DNM3: variants seen among roughly 807,000 people sequenced by gnomAD.
DNM3 encodes dynamin 3.
A neutral mutation model predicts 101.6 loss-of-function variants in DNM3; 47 were observed. The ratio of observed to expected loss-of-function variants is 0.46; its 90% CI spans 0.37 to 0.59. DNM3 has a LOEUF of 0.59. Among genes scored for constraint, DNM3 ranks in the 20% least tolerant of loss-of-function variants. DNM3 has a pLI of 0.00. For synonymous variants in DNM3, 385 were observed against 387.9 expected, an observed-to-expected ratio of 0.99 and a Z score of 0.09; for missense variants, 849 against 1,085.7, an observed-to-expected ratio of 0.78 and a Z score of 3.06.
intron 1 of DNM3, among the ~76,000 whole-genome samples, chr1:171,867,238 G>A (rs2034845267): frequency 6.6e-6 from 1 of 152,218 alleles, no homozygotes; most frequent in African/African-American, 2.4e-5. Flanking sequence ...TATGTTAGAG[G>A]TGATTGCTTT....
rs188290571 is a variant in DNM3 at position 172,107,093 on chromosome 1, C to T, written c.1545+14218C>T. On this transcript the variant is annotated intron_variant, in intron 13 of 20. Transcript: ENST00000627582. ...GCCAGGATGGTCTCGATCTCCTGAC[C>T]TCATGATCCACCCGCCTCGGCCTCC... Among the ~76,000 whole-genome samples, 20 of 151,206 alleles carry T rather than the reference C, an allele frequency of 1.3e-4. No homozygotes were observed. The East Asian group carries it at 3.9e-3, about 29-fold the overall frequency.
At chr1:172,299,889 G>A (rs1001530294) in intron 15 of DNM3, among the ~76,000 whole-genome samples, 4 of 152,038 alleles carry the variant, frequency 2.6e-5, no homozygotes, top group Admixed American at 2.6e-4. Context: ...TTTTCCTTTG[G>A]GTATACATAC....
rs534805222 is a variant in DNM3, at chr1:172,272,931, T to G, written c.1769+19249T>G. On this transcript the variant is annotated intron_variant, in intron 15 of 20. Transcript: ENST00000627582. Reference sequence around the variant, plus strand: ...AAAATGCTTCAAGGACTTTTTCACTTCTAGTTTGAAAAGCCCTAACAAACA... The same window carrying G: ...AAAATGCTTCAAGGACTTTTTCACTGCTAGTTTGAAAAGCCCTAACAAACA... 8.4e-4 allele frequency among the ~76,000 whole-genome samples: 128 copies of G among 152,170 alleles called. 3 individuals are homozygous for G. The South Asian group carries it at 0.026, about 31-fold the overall frequency.
chr1:172,237,934 C>T (rs944614071), intron 14 of DNM3, among the ~76,000 whole-genome samples: 32 of 152,150 alleles, frequency 2.1e-4, no homozygotes, highest in African/African-American at 6.8e-4. Flanking sequence ...TGGGTGACCC[C>T]ACCAGTCTGC....
At chr1:172,374,451 G>A (rs965484123) in intron 17 of DNM3, among the ~76,000 whole-genome samples, 6 of 151,854 alleles carry the variant, frequency 4.0e-5, no homozygotes, top group African/African-American at 9.7e-5. Flanking sequence ...TAACGGCTTC[G>A]TTTTTCTTCT....
intron 15 of DNM3, among the ~76,000 whole-genome samples, chr1:172,279,449 A>G (rs552649822): frequency 3.9e-5 from 6 of 152,130 alleles, no homozygotes; most frequent in Non-Finnish European, 7.4e-5. Context: ...TTCCAGCAAG[A>G]TCCTGAACAC....
At chr1:172,250,776 C>G (rs984068226) in intron 14 of DNM3, among the ~76,000 whole-genome samples, 3 of 151,964 alleles carry the variant, frequency 2.0e-5, no homozygotes, top group Admixed American at 2.0e-4. Flanking sequence ...ATAGCAGAAA[C>G]AGGGAGGTCA....
chr1:172,193,105 A>G (rs2059798299), intron 14 of DNM3, among the ~76,000 whole-genome samples: 1 of 151,552 alleles, frequency 6.6e-6, no homozygotes, highest in Non-Finnish European at 1.5e-5. Flanking sequence ...TGTGGTTTTG[A>G]TTTGCATTTC....
Position 172,183,601 on chromosome 1 carries a change from T to A in DNM3, c.1659+52313T>A, listed in dbSNP as rs542669091. 2.7e-4 allele frequency among the ~76,000 whole-genome samples: 41 copies of A among 151,986 alleles called. No individual in the cohort carries two copies. In the South Asian group the frequency reaches 4.6e-3, roughly 17 times the overall value. On this transcript the variant is annotated intron_variant, in intron 14 of 20. Transcript: ENST00000627582. ...TTTGGTAAATACATTCAAACTTTTT[T>A]AAATTTTTTTATTTTTTGTGATAGG...
intron 14 of DNM3, among the ~76,000 whole-genome samples, chr1:172,211,271 T>G (rs913036978): frequency 6.6e-6 from 1 of 152,078 alleles, no homozygotes; most frequent in African/African-American, 2.4e-5. Flanking sequence ...TACTAGTATT[T>G]TCCATAACCT....
At chr1:172,292,231 A>G (rs2063949320) in intron 15 of DNM3, among the ~76,000 whole-genome samples, 1 of 152,176 alleles carries the variant, frequency 6.6e-6, no homozygotes, top group Admixed American at 6.6e-5. Flanking sequence ...CCTCAAGTTG[A>G]TATTATAATC....
chr1:172,408,878 A>T lies in DNM3; in HGVS notation c.*1037A>T. ...TCTTAATAAATCTTGAGGCTATGGG[A>T]TAATCACATTTAAAGAATGGTTCCT... On this transcript the variant is annotated 3_prime_UTR_variant, in exon 21 of 21. Transcript: ENST00000627582. The T allele has an allele frequency of 2.0e-6, 2 of 985,328 alleles. No individual in the cohort carries two copies. The highest frequency in any genetic ancestry group is 2.4e-6 in the Non-Finnish European group (2 of 829,870). 61.0% of individuals were successfully genotyped at this position (985,328 alleles called of 1,614,324 possible).
At chr1:171,878,854 T>C (rs2036014786) in intron 1 of DNM3, among the ~76,000 whole-genome samples, 1 of 152,072 alleles carries the variant, frequency 6.6e-6, no homozygotes, top group African/African-American at 2.4e-5. Context: ...TTTTAATATA[T>C]GAAACAAAAG....
At chr1:171,905,928 CTA>C (rs2038787123) in intron 1 of DNM3, among the ~76,000 whole-genome samples, 1 of 151,976 alleles carries the variant, frequency 6.6e-6, no homozygotes, top group Non-Finnish European at 1.5e-5. Flanking sequence ...AGGTGGCCCT[CTA>C]CTGATGTAAG....
chr1:172,147,832 A>G (rs2057971903), intron 14 of DNM3, among the ~76,000 whole-genome samples: 1 of 151,892 alleles, frequency 6.6e-6, no homozygotes, highest in African/African-American at 2.4e-5. Flanking sequence ...CAACTTCTTA[A>G]CCCTTTCTGT....
chr1:172,246,567 A>G (rs2061962930), intron 14 of DNM3, among the ~76,000 whole-genome samples: 1 of 152,198 alleles, frequency 6.6e-6, no homozygotes. Flanking sequence ...TTCTAGTGGA[A>G]GAGATAGTTT....
chr1:172,077,453 G>T (rs2052755492), intron 11 of DNM3, among the ~76,000 whole-genome samples: 1 of 152,162 alleles, frequency 6.6e-6, no homozygotes, highest in African/African-American at 2.4e-5. Flanking sequence ...GGCATTTAGT[G>T]CTATAAATTT....
chr1:172,272,970 A>G (rs1460370388), intron 15 of DNM3, among the ~76,000 whole-genome samples: 1 of 152,074 alleles, frequency 6.6e-6, no homozygotes, highest in East Asian at 1.9e-4. Context: ...TTGGGCTTAC[A>G]AAGAACATAC....
intron 2 of DNM3, among the ~76,000 whole-genome samples, chr1:171,928,972 C>T (rs1034548614): frequency 6.6e-6 from 1 of 151,852 alleles, no homozygotes; most frequent in Non-Finnish European, 1.5e-5. Flanking sequence ...CTGGGAGCTC[C>T]GTCCCAGGGA....
Sources: allele counts gnomAD v4.1 joint callset (sites outside exome capture counted in the v4.1 genomes callset), GRCh38; gene constraint gnomAD v4.1.1; transcripts MANE v1.5; gene names NCBI Gene and HGNC (gene_info 2026-07-23, HGNC 2026-07-21).